Variants in ENTPD6 observed in about 807,000 individuals in gnomAD.
The protein encoded by ENTPD6 is CD39 antigen-like 2.
Under a neutral mutation model 61.5 loss-of-function variants are expected in ENTPD6, and 46 were observed. The observed-to-expected ratio is 0.75, with a 90% CI of 0.59 to 0.96. The LOEUF is 0.96. ENTPD6 is among the 40% of genes least tolerant of loss of function. The pLI, the probability that ENTPD6 is intolerant of heterozygous loss-of-function variation, is 0.00. For missense variants in ENTPD6, 612 were observed against 629.0 expected, an observed-to-expected ratio of 0.97 and a Z score of 0.29; for synonymous variants, 252 against 255.5, an observed-to-expected ratio of 0.99 and a Z score of 0.13.
rs1224750765 is a variant in ENTPD6, at chr20:25,215,685, C to T, written c.683C>T (p.Ala228Val). 1.9e-6 allele frequency: 3 copies of T among 1,614,196 alleles called. No individual in the cohort carries two copies. The highest frequency in any genetic ancestry group is 1.1e-5 in the South Asian group (1 of 91,086). ...IMNGTDEGVS[A>V]WITINFLTGS... Reference sequence around the variant, plus strand: ...TGACACTCTCTTGCAGGCGTTTCGGCGTGGATCACCATCAACTTCCTGACA... The same window carrying T: ...TGACACTCTCTTGCAGGCGTTTCGGTGTGGATCACCATCAACTTCCTGACA... Residue 228 changes from alanine (A) to valine (V), a missense_variant, in exon 7 of 15, where the codon GCG becomes GTG. By Grantham distance (64) the Ala-to-Val change is moderately conservative. Coordinates refer to ENST00000376652, the MANE Select transcript of ENTPD6 (RefSeq NM_001247.5).
intron 2 of ENTPD6, 108 bp from the exon 3 acceptor site, chr20:25,206,968 G>A (rs1403965285): frequency 2.1e-6 from 2 of 962,864 alleles, no homozygotes; most frequent in African/African-American, 1.6e-5. Context: ...GGGGGAACAC[G>A]GAGCAGTTTC....
intron 5 of ENTPD6, among the ~76,000 whole-genome samples, chr20:25,213,864 C>T (rs559961879): frequency 6.6e-6 from 1 of 152,154 alleles, no homozygotes; most frequent in African/African-American, 2.4e-5. Context: ...GCGGGAGGAT[C>T]GATTGAGCCC....
intron 1 of ENTPD6, chr20:25,197,227 G>A: frequency 1.0e-6 from 1 of 985,396 alleles, no homozygotes; most frequent in Non-Finnish European, 1.2e-6. Context: ...TTTCCAAGAG[G>A]TGACCTGCCA....
chr20:25,214,421 C>T (rs1044586100), intron 5 of ENTPD6, among the ~76,000 whole-genome samples: 1 of 152,232 alleles, frequency 6.6e-6, no homozygotes, highest in South Asian at 2.1e-4. Context: ...TATCTCACAT[C>T]CCAAAGCAGG....
intron 4 of ENTPD6, among the ~76,000 whole-genome samples, chr20:25,211,457 C>T (rs763390799): frequency 3.9e-5 from 6 of 152,222 alleles, no homozygotes; most frequent in Non-Finnish European, 5.9e-5. Context: ...CGGAGGCCCA[C>T]GTCCTGGCTC....
Position 25,226,503 on chromosome 20 carries a change from C to G in ENTPD6, c.*906C>G, listed in dbSNP as rs1379133086. On this transcript the variant is annotated 3_prime_UTR_variant, in exon 15 of 15. Coordinates refer to ENST00000376652, the MANE Select transcript of ENTPD6 (RefSeq NM_001247.5). Reference sequence around the variant, plus strand: ...GCCACGGGTCAGCTGAGCCACAGTCCCAGAACCAAGCTCTCGGTGTCTCGG... The same window carrying G: ...GCCACGGGTCAGCTGAGCCACAGTCGCAGAACCAAGCTCTCGGTGTCTCGG... The G allele has an allele frequency of 6.5e-6, 1 of 152,882 alleles. No individual in the cohort carries two copies. The highest frequency in any genetic ancestry group is 1.9e-4 in the East Asian group (1 of 5,186). The allele number at this position is 152,882 out of a possible 1,614,324, so 9.5% of individuals were successfully genotyped here.
In ENTPD6 at chr20:25,222,920, T is replaced by C; in HGVS notation, c.1128T>C (p.His376=). The C allele has an allele frequency of 6.2e-7, 1 of 1,613,918 alleles. No homozygotes were observed. Among genetic ancestry groups the C allele is most frequent in the South Asian group, 1.1e-5 (1 of 91,080 alleles). The change falls in exon 12 of 15, where the codon CAT becomes CAC. Residue 376 remains histidine (H), a synonymous_variant. Transcript: ENST00000376652. ...NRVHRTEEVK[H]VDFYAFSYYY... is the part of the protein sequence containing the mutation. ...TGCACAGGACGGAGGAAGTGAAGCA[T>C]GTGGACTTCTATGCTTTCTCCTACT...
chr20:25,217,374 G>C, intron 8 of ENTPD6, 128 bp from the exon 9 acceptor site: 1 of 827,386 alleles, frequency 1.2e-6, no homozygotes, highest in East Asian at 2.5e-5. Flanking sequence ...CGCAGCCAGC[G>C]ACCTAGTGAA....
At chr20:25,215,046 G>A in intron 6 of ENTPD6, 104 bp downstream of exon 6, 4 of 757,230 alleles carry the variant, frequency 5.3e-6, no homozygotes, top group Non-Finnish European at 9.4e-6. Context: ...GCCCCATGTG[G>A]GAGCCTCCTC....
rs978933726 is a variant in ENTPD6 at position 25,195,734 on chromosome 20, T to C, written c.-149T>C. The C allele has an allele frequency of 2.9e-5, 20 of 696,074 alleles. No individual in the cohort carries two copies. In the African/African-American group the frequency reaches 3.7e-4, roughly 13 times the overall value. 43.1% of individuals were successfully genotyped at this position (696,074 alleles called of 1,614,324 possible). On this transcript the variant is annotated 5_prime_UTR_variant, in exon 1 of 15. Transcript: ENST00000376652. ...GGGGCGGAGCCCAGGCCCTAGGGAATCGTGGGGTCGTATCCCGCGGGTGGA... is the reference window on the plus strand; with the variant it reads ...GGGGCGGAGCCCAGGCCCTAGGGAACCGTGGGGTCGTATCCCGCGGGTGGA...
intron 1 of ENTPD6, among the ~76,000 whole-genome samples, chr20:25,203,268 C>T (rs6050430): frequency 0.037 from 5,606 of 152,236 alleles, 177 homozygotes; most frequent in African/African-American, 0.09. Flanking sequence ...TTGGGTTTAT[C>T]TTACGTGGGG....
At chr20:25,217,364 C>T (rs893654764) in intron 8 of ENTPD6, 138 bp from the exon 9 acceptor site, 24 of 761,948 alleles carry the variant, frequency 3.1e-5, no homozygotes, top group East Asian at 1.3e-4. Context: ...GCTCCTGTCT[C>T]GCAGCCAGCG....
At chr20:25,216,876 T>G (rs2092348678) in intron 8 of ENTPD6, 140 bp downstream of exon 8, 1 of 615,426 alleles carries the variant, frequency 1.6e-6, no homozygotes, top group Admixed American at 2.9e-5. Flanking sequence ...TGCGGTCATT[T>G]CCTCTTCTGA....
intron 11 of ENTPD6, chr20:25,221,682 C>T (rs897773066): frequency 2.4e-5 from 9 of 373,812 alleles, no homozygotes; most frequent in Non-Finnish European, 3.1e-5. Context: ...CTGTGCTGGG[C>T]GGGAATAGAG....
chr20:25,196,234 G>T, intron 1 of ENTPD6: 1 of 1,126,246 alleles, frequency 8.9e-7, no homozygotes, highest in East Asian at 4.6e-5. Context: ...GAAGCTTCGC[G>T]TAGCAGTTTC....
chr20:25,217,443 TGGA>T, intron 8 of ENTPD6, 56 bp from the exon 9 acceptor site: 1 of 1,491,970 alleles, frequency 6.7e-7, no homozygotes, highest in East Asian at 2.3e-5. Flanking sequence ...ATTCAGTGGG[TGGA>T]GGAGAATTTT....
chr20:25,200,088 C>T (rs1247094892), intron 1 of ENTPD6, among the ~76,000 whole-genome samples: 1 of 152,206 alleles, frequency 6.6e-6, no homozygotes, highest in Non-Finnish European at 1.5e-5. Context: ...GACTTTCCCA[C>T]CAGCAGCGCA....
chr20:25,205,492 C>T (rs889157389), intron 1 of ENTPD6, among the ~76,000 whole-genome samples: 14 of 151,706 alleles, frequency 9.2e-5, no homozygotes, highest in African/African-American at 2.7e-4. Flanking sequence ...AAGAGGAGTG[C>T]GATGAAGCCA....
rs1293774045 is a variant in ENTPD6 at position 25,227,430 on chromosome 20, A to G, written c.*1833A>G. ...GAAGGTCGGTGACCTCATGCCTGAA[A>G]AAGGCAAACAACTGGAAGTTTTCCA... On this transcript the variant is annotated 3_prime_UTR_variant, in exon 15 of 15. Coordinates refer to ENST00000376652, the MANE Select transcript of ENTPD6 (RefSeq NM_001247.5). Among the ~76,000 whole-genome samples, 1 of 152,240 alleles carries G rather than the reference A, an allele frequency of 6.6e-6. No homozygotes were observed. Among genetic ancestry groups the G allele is most frequent in the African/African-American group, 2.4e-5 (1 of 41,462 alleles).
Sources: allele counts gnomAD v4.1 joint callset (sites outside exome capture counted in the v4.1 genomes callset), GRCh38; gene constraint gnomAD v4.1.1; transcripts MANE v1.5; gene names NCBI Gene and HGNC (gene_info 2026-07-23, HGNC 2026-07-21).